Variants in RBFOX1 observed in about 807,000 individuals in gnomAD.
RBFOX1 encodes RNA binding protein fox-1 homolog 1.
Under a neutral mutation model 57.7 loss-of-function variants are expected in RBFOX1, and 8 were observed. That is an observed-to-expected ratio of 0.14 (90% CI 0.08 to 0.25). The LOEUF (loss-of-function observed/expected upper bound fraction) is 0.25, where lower values mean the gene tolerates loss of function less well. Ranked by LOEUF, RBFOX1 falls within the 10% of genes least tolerant of loss-of-function variation. RBFOX1 has a pLI of 1.00. For missense variants in RBFOX1, 611 were observed against 548.5 expected (o/e 1.11, Z -1.14); for synonymous variants, 326 against 222.4 (o/e 1.47, Z -4.15).
At chr16:5,700,604 C>G (rs1210429395) in intron 3 of RBFOX1, among the ~76,000 whole-genome samples, 1 of 152,178 alleles carries the variant, frequency 6.6e-6, no homozygotes, top group African/African-American at 2.4e-5. Context: ...TTGGAACTCG[C>G]AGAGAAACAA....
intron 1 of RBFOX1, among the ~76,000 whole-genome samples, chr16:6,056,634 T>G (rs1005978833): frequency 7.9e-5 from 12 of 152,346 alleles, no homozygotes; most frequent in South Asian, 2.1e-4. Flanking sequence ...GAGAGGAGAC[T>G]GGCGTGGTCG....
At chr16:7,218,945 G>C (rs1056477640) in intron 4 of RBFOX1, among the ~76,000 whole-genome samples, 1 of 152,118 alleles carries the variant, frequency 6.6e-6, no homozygotes, top group African/African-American at 2.4e-5. Context: ...CATATGGTCT[G>C]TGCCTAGCAG....
chr16:5,691,925 C>G (rs1164040988), intron 3 of RBFOX1, among the ~76,000 whole-genome samples: 2 of 152,198 alleles, frequency 1.3e-5, no homozygotes, highest in Non-Finnish European at 2.9e-5. Flanking sequence ...CCTTCCTCCA[C>G]TTTGTGGTCA....
chr16:5,341,847 G>A (rs962057133), intron 1 of RBFOX1, among the ~76,000 whole-genome samples: 3 of 152,178 alleles, frequency 2.0e-5, no homozygotes, highest in Non-Finnish European at 4.4e-5. Context: ...TTTGAGGGGC[G>A]AGTTAGGCAT....
At chr16:7,389,974 A>C (rs573794609) in intron 4 of RBFOX1, among the ~76,000 whole-genome samples, 1 of 152,178 alleles carries the variant, frequency 6.6e-6, no homozygotes, top group Non-Finnish European at 1.5e-5. Flanking sequence ...ATTGGCTCAC[A>C]GTTCTGTGGG....
chr16:6,473,645 A>G (rs2095227023), intron 2 of RBFOX1, among the ~76,000 whole-genome samples: 1 of 152,134 alleles, frequency 6.6e-6, no homozygotes, highest in Admixed American at 6.5e-5. Context: ...CTATTTATTC[A>G]GAGCTTGCTA....
chr16:7,210,968 A>G (rs904352936), intron 4 of RBFOX1, among the ~76,000 whole-genome samples: 3 of 152,012 alleles, frequency 2.0e-5, no homozygotes, highest in Non-Finnish European at 4.4e-5. Context: ...AAGGAAACTA[A>G]TTTTATGAGA....
chr16:6,918,539 C>T (rs1019135299), intron 3 of RBFOX1, among the ~76,000 whole-genome samples: 1 of 152,074 alleles, frequency 6.6e-6, no homozygotes, highest in African/African-American at 2.4e-5. Flanking sequence ...TGTTGCAATT[C>T]CCTCCTGATA....
At chr16:6,505,834 A>G (rs180842495) in intron 2 of RBFOX1, among the ~76,000 whole-genome samples, 34 of 152,352 alleles carry the variant, frequency 2.2e-4, no homozygotes, top group Admixed American at 2.1e-3. Flanking sequence ...AAATGTATCC[A>G]GGTCCTACTC....
At chr16:5,790,120 C>T (rs1018358557) in intron 3 of RBFOX1, among the ~76,000 whole-genome samples, 1 of 152,208 alleles carries the variant, frequency 6.6e-6, no homozygotes, top group African/African-American at 2.4e-5. Flanking sequence ...CAGCATTTGA[C>T]CTCCAAGGGA....
Position 6,597,906 on chromosome 16 carries a change from A to G in RBFOX1, c.-63-56697A>G, listed in dbSNP as rs150984508. 2.9e-3 allele frequency among the ~76,000 whole-genome samples: 436 copies of G among 152,300 alleles called. 2 individuals are homozygous for G. Among genetic ancestry groups the G allele is most frequent in the African/African-American group, 9.9e-3 (412 of 41,550 alleles). ...CATGAAGTGAGTATCCTCAGAACAAACATTTGTTGGGCTAAAGAGGGTGAA... is the reference window on the plus strand; with the variant it reads ...CATGAAGTGAGTATCCTCAGAACAAGCATTTGTTGGGCTAAAGAGGGTGAA... On this transcript the variant is annotated intron_variant, in intron 2 of 15. Coordinates refer to ENST00000550418, the MANE Select transcript of RBFOX1 (RefSeq NM_018723.4).
chr16:6,040,243 A>G (rs979579692), intron 1 of RBFOX1, among the ~76,000 whole-genome samples: 4 of 152,248 alleles, frequency 2.6e-5, no homozygotes, highest in Admixed American at 1.3e-4. Flanking sequence ...TTTGAAGTGT[A>G]TGGTTCAGTA....
chr16:7,102,847 C>G (rs539675260), intron 4 of RBFOX1, among the ~76,000 whole-genome samples: 59 of 152,132 alleles, frequency 3.9e-4, no homozygotes, highest in African/African-American at 1.1e-3. Context: ...AGCCTAATTT[C>G]AAAAGAATTT....
intron 4 of RBFOX1, among the ~76,000 whole-genome samples, chr16:7,128,590 A>G (rs1001542833): frequency 3.3e-5 from 5 of 152,126 alleles, no homozygotes; most frequent in African/African-American, 1.2e-4. Flanking sequence ...GGGCAAAGGT[A>G]CTCAAAGCCT....
At chr16:7,705,964 A>G (rs1250962200) in intron 14 of RBFOX1, among the ~76,000 whole-genome samples, 2 of 152,170 alleles carry the variant, frequency 1.3e-5, no homozygotes, top group African/African-American at 2.4e-5. Context: ...GAGGATGACC[A>G]TATAGCTGGT....
At chr16:6,807,497 G>A (rs1482954864) in intron 3 of RBFOX1, among the ~76,000 whole-genome samples, 1 of 152,052 alleles carries the variant, frequency 6.6e-6, no homozygotes, top group Non-Finnish European at 1.5e-5. Flanking sequence ...ACTCACTAAT[G>A]GGACTTTGCT....
At chr16:5,263,796 A>C (rs1277208842) in intron 1 of RBFOX1, among the ~76,000 whole-genome samples, 1 of 152,196 alleles carries the variant, frequency 6.6e-6, no homozygotes, top group Non-Finnish European at 1.5e-5. Flanking sequence ...TTTGAGATAC[A>C]GAAGAGGTTT....
intron 4 of RBFOX1, among the ~76,000 whole-genome samples, chr16:5,934,587 G>A (rs7192606): frequency 6.6e-6 from 1 of 151,982 alleles, no homozygotes; most frequent in Non-Finnish European, 1.5e-5. Context: ...TGTTTTAAAA[G>A]AGAAGAGGAT....
intron 4 of RBFOX1, among the ~76,000 whole-genome samples, chr16:7,267,511 G>A (rs564459938): frequency 2.6e-5 from 4 of 152,124 alleles, no homozygotes; most frequent in East Asian, 1.9e-4. Context: ...ATTCCAGCCT[G>A]GGCAACAGAG....
Sources: gnomAD v4.1 joint callset for allele counts (sites outside exome capture counted in the v4.1 genomes callset) on GRCh38, gnomAD v4.1.1 for gene constraint, MANE v1.5 for transcripts, NCBI Gene and HGNC (gene_info 2026-07-23, HGNC 2026-07-21) for gene names.